Variants in SPAG16 observed in about 807,000 individuals in gnomAD.
SPAG16 encodes the protein sperm-associated antigen 16 protein.
Under a neutral mutation model 80.4 loss-of-function variants are expected in SPAG16, and 86 were observed. The ratio of observed to expected loss-of-function variants is 1.07; its 90% CI spans 0.90 to 1.28. The LOEUF (loss-of-function observed/expected upper bound fraction) is 1.28. Ranked by LOEUF, SPAG16 falls within the 50% of genes most tolerant of loss-of-function variation. The pLI, the probability that SPAG16 is intolerant of heterozygous loss-of-function variation, is 0.00. For missense variants in SPAG16, 870 were observed against 765.3 expected, an observed-to-expected ratio of 1.14 and a Z score of -1.61; for synonymous variants, 294 against 265.9, an observed-to-expected ratio of 1.11 and a Z score of -1.03.
At chr2:214,153,906 A>C (rs946719411) in intron 15 of SPAG16, among the ~76,000 whole-genome samples, 1 of 152,196 alleles carries the variant, frequency 6.6e-6, no homozygotes, top group African/African-American at 2.4e-5. Context: ...CATTATTTAC[A>C]TAATGTTTTA....
rs115199791 is a variant in SPAG16, at chr2:214,103,446, T to A, written c.1528-4750T>A. Among the ~76,000 whole-genome samples, 539 of 152,302 alleles carry A rather than the reference T, an allele frequency of 3.5e-3. 3 individuals are homozygous for A. The highest frequency in any genetic ancestry group is 0.017 in the Middle Eastern group (5 of 294). On this transcript the variant is annotated intron_variant, in intron 13 of 15. Coordinates refer to ENST00000331683, the MANE Select transcript of SPAG16 (RefSeq NM_024532.5). The stretch of plus-strand genomic sequence containing the variant: ...CAGGAGGAAAAATAAAAGTGTTTCA[T>A]GAAACAGTTTCTGCTACTCTAATGA...
At chr2:213,336,807 G>T (rs772674602) in intron 5 of SPAG16, among the ~76,000 whole-genome samples, 15 of 152,182 alleles carry the variant, frequency 9.9e-5, no homozygotes, top group Admixed American at 2.0e-4. Flanking sequence ...TTTTCTGCCT[G>T]CTGGCTCTGG....
intron 1 of SPAG16, among the ~76,000 whole-genome samples, chr2:213,292,391 G>A (rs981907010): frequency 2.7e-4 from 41 of 152,204 alleles, no homozygotes; most frequent in Non-Finnish European, 4.6e-4. Flanking sequence ...GAGGCCGGGT[G>A]CGGTGGCTCA....
intron 10 of SPAG16, among the ~76,000 whole-genome samples, chr2:213,678,304 C>G (rs1389491697): frequency 6.6e-6 from 1 of 151,656 alleles, no homozygotes; most frequent in Non-Finnish European, 1.5e-5. Flanking sequence ...CACAAAAAAC[C>G]CTTCAAAAAA....
chr2:214,115,954 A>G (rs559791175), intron 14 of SPAG16, among the ~76,000 whole-genome samples: 2 of 151,900 alleles, frequency 1.3e-5, no homozygotes, highest in East Asian at 1.9e-4. Flanking sequence ...ACAAAAGTCT[A>G]TCAGCAGGAG....
chr2:214,007,341 A>C (rs186578508), intron 12 of SPAG16, among the ~76,000 whole-genome samples: 57 of 152,172 alleles, frequency 3.7e-4, no homozygotes, highest in Admixed American at 1.7e-3. Flanking sequence ...CGTGCCTGCA[A>C]TCCCAGCATT....
chr2:214,222,034 T>C (rs1020310009), intron 15 of SPAG16, among the ~76,000 whole-genome samples: 1 of 151,998 alleles, frequency 6.6e-6, no homozygotes, highest in African/African-American at 2.4e-5. Context: ...AGAAAAGTGG[T>C]ATTGAATGTT....
At chr2:214,194,488 A>G (rs1316932247) in intron 15 of SPAG16, among the ~76,000 whole-genome samples, 1 of 152,110 alleles carries the variant, frequency 6.6e-6, no homozygotes, top group Non-Finnish European at 1.5e-5. Flanking sequence ...AAAACTTCAC[A>G]TTGTCAAATT....
intron 10 of SPAG16, among the ~76,000 whole-genome samples, chr2:213,852,513 C>T (rs1441940194): frequency 6.6e-6 from 1 of 152,124 alleles, no homozygotes; most frequent in Non-Finnish European, 1.5e-5. Flanking sequence ...CTTCAGTCAC[C>T]TCGGCTTTCC....
chr2:214,244,695 G>C (rs1689721707), intron 15 of SPAG16, among the ~76,000 whole-genome samples: 1 of 152,002 alleles, frequency 6.6e-6, no homozygotes, highest in Admixed American at 6.6e-5. Context: ...ATTTTGAAAA[G>C]TGTATTATGA....
intron 7 of SPAG16, among the ~76,000 whole-genome samples, chr2:213,358,441 A>T (rs1017712698): frequency 6.6e-6 from 1 of 152,130 alleles, no homozygotes; most frequent in African/African-American, 2.4e-5. Flanking sequence ...TATTTCTTGG[A>T]GGCTTTGTTC....
chr2:213,981,712 C>G (rs539566544), intron 12 of SPAG16, among the ~76,000 whole-genome samples: 2 of 151,734 alleles, frequency 1.3e-5, no homozygotes, highest in Non-Finnish European at 2.9e-5. Flanking sequence ...CGCAACAAAC[C>G]CATTATATAT....
intron 15 of SPAG16, among the ~76,000 whole-genome samples, chr2:214,369,641 A>G (rs1438298666): frequency 6.6e-6 from 1 of 151,970 alleles, no homozygotes; most frequent in Non-Finnish European, 1.5e-5. Context: ...GATTCTCAAC[A>G]TGTGGCATGC....
intron 5 of SPAG16, among the ~76,000 whole-genome samples, chr2:213,338,184 C>G (rs753872162): frequency 1.3e-4 from 20 of 152,156 alleles, no homozygotes; most frequent in Non-Finnish European, 2.5e-4. Flanking sequence ...TTCATCACCA[C>G]CAGGCCTGCC....
intron 15 of SPAG16, among the ~76,000 whole-genome samples, chr2:214,367,779 A>G (rs1699569792): frequency 6.6e-6 from 1 of 152,158 alleles, no homozygotes; most frequent in Non-Finnish European, 1.5e-5. Context: ...TCTTCTGATT[A>G]TAATCATGCT....
At chr2:213,854,407 C>T (rs189756317) in intron 10 of SPAG16, among the ~76,000 whole-genome samples, 3 of 152,254 alleles carry the variant, frequency 2.0e-5, no homozygotes, top group African/African-American at 7.2e-5. Flanking sequence ...CATATATCAA[C>T]TTATTTTATA....
intron 15 of SPAG16, among the ~76,000 whole-genome samples, chr2:214,176,565 A>G (rs1159028162): frequency 1.3e-5 from 2 of 151,314 alleles, no homozygotes; most frequent in Non-Finnish European, 3.0e-5. Context: ...AATTTTGTGA[A>G]TTTTTAAAGG....
chr2:214,324,543 G>A (rs187304784), intron 15 of SPAG16, among the ~76,000 whole-genome samples: 1 of 152,220 alleles, frequency 6.6e-6, no homozygotes, highest in African/African-American at 2.4e-5. Context: ...CTCATGAGAG[G>A]ATCTGTATTT....
intron 15 of SPAG16, among the ~76,000 whole-genome samples, chr2:214,191,398 T>C (rs1346639824): frequency 6.6e-6 from 1 of 151,838 alleles, no homozygotes; most frequent in Non-Finnish European, 1.5e-5. Context: ...AAAAGTGTGA[T>C]GATGAAAACA....
Sources: allele counts gnomAD v4.1 joint callset (sites outside exome capture counted in the v4.1 genomes callset), GRCh38; gene constraint gnomAD v4.1.1; transcripts MANE v1.5; gene names NCBI Gene and HGNC (gene_info 2026-07-23, HGNC 2026-07-21).